The following CNTNAP4 variants were observed in gnomAD, a reference collection of about 807,000 sequenced individuals.
The protein encoded by CNTNAP4 is contactin associated protein family member 4.
In CNTNAP4, 98 loss-of-function variants were observed where a neutral mutation model predicts 148.4. The observed-to-expected ratio is 0.66, with a 90% CI of 0.56 to 0.78. The LOEUF is 0.78. Ranked by LOEUF, CNTNAP4 falls within the 30% of genes least tolerant of loss-of-function variation. The pLI is 0.00. For synonymous variants in CNTNAP4, 730 were observed against 565.1 expected (o/e 1.29, Z -4.14); for missense variants, 1,935 against 1,565.6 (o/e 1.24, Z -3.98).
At chr16:76,547,077 C>G (rs927875957) in intron 21 of CNTNAP4, among the ~76,000 whole-genome samples, 13 of 152,268 alleles carry the variant, frequency 8.5e-5, no homozygotes, top group African/African-American at 3.1e-4. Context: ...TGTCTAAGTA[C>G]TTTGTTCACA....
intron 7 of CNTNAP4, among the ~76,000 whole-genome samples, chr16:76,450,683 G>T (rs747978724): frequency 6.6e-6 from 1 of 152,212 alleles, no homozygotes; most frequent in African/African-American, 2.4e-5. Context: ...TACAGGTTGT[G>T]TTACAATATT....
chr16:76,396,526 G>T (rs533874588), intron 3 of CNTNAP4, among the ~76,000 whole-genome samples: 1 of 152,296 alleles, frequency 6.6e-6, no homozygotes, highest in East Asian at 1.9e-4. Context: ...CATTACTTTA[G>T]TTTTGATCTT....
At chr16:76,307,542 C>G (rs1278959830) in intron 1 of CNTNAP4, among the ~76,000 whole-genome samples, 1 of 47,242 alleles carries the variant, frequency 2.1e-5, no homozygotes, top group Admixed American at 2.4e-4. Flanking sequence ...ATATATATAC[C>G]AAACTCCAGA....
At chr16:76,340,778 A>T (rs763556139) in intron 2 of CNTNAP4, among the ~76,000 whole-genome samples, 2 of 152,128 alleles carry the variant, frequency 1.3e-5, no homozygotes, top group Non-Finnish European at 2.9e-5. Flanking sequence ...AGAACTCCTA[A>T]CTCTGATTAA....
chr16:76,531,147 G>C (rs1193719896), intron 17 of CNTNAP4, among the ~76,000 whole-genome samples: 1 of 152,176 alleles, frequency 6.6e-6, no homozygotes, highest in Non-Finnish European at 1.5e-5. Context: ...GCCCCTGGGT[G>C]AGTGGGTGAG....
intron 3 of CNTNAP4, among the ~76,000 whole-genome samples, chr16:76,359,303 G>C (rs1412109763): frequency 6.6e-6 from 1 of 152,170 alleles, no homozygotes; most frequent in Non-Finnish European, 1.5e-5. Flanking sequence ...CTACGAAAGA[G>C]AGTTAGGAAA....
chr16:76,298,578 C>T (rs1959582056), intron 1 of CNTNAP4, among the ~76,000 whole-genome samples: 1 of 148,812 alleles, frequency 6.7e-6, no homozygotes, highest in Non-Finnish European at 1.5e-5. Flanking sequence ...GTTCTAGGGT[C>T]CACCCAAGCG....
chr16:76,454,133 A>C (rs1429351798), intron 8 of CNTNAP4, among the ~76,000 whole-genome samples: 1 of 124,646 alleles, frequency 8.0e-6, no homozygotes, highest in African/African-American at 3.1e-5. Context: ...TTTTTTTCTG[A>C]GATGGAGTTT....
chr16:76,418,355 G>C (rs12923690), intron 3 of CNTNAP4, among the ~76,000 whole-genome samples: 1 of 104,668 alleles, frequency 9.6e-6, no homozygotes, highest in Non-Finnish European at 2.2e-5. Flanking sequence ...TTTTTTCTTT[G>C]TCTATTACAG....
intron 21 of CNTNAP4, 138 bp downstream of exon 21, chr16:76,540,928 TAATC>T (rs2084425884): frequency 3.4e-6 from 2 of 582,558 alleles, no homozygotes; most frequent in Admixed American, 5.0e-5. Context: ...AAGTGAGTGA[TAATC>T]AAGACAGAGG....
chr16:76,295,825 A>T (rs779598007), intron 1 of CNTNAP4, among the ~76,000 whole-genome samples: 34 of 152,046 alleles, frequency 2.2e-4, no homozygotes, highest in Non-Finnish European at 4.1e-4. Context: ...GAATTTATTT[A>T]TTTATTTTTT....
At chr16:76,352,285 G>T (rs1216596926) in intron 2 of CNTNAP4, among the ~76,000 whole-genome samples, 3 of 152,060 alleles carry the variant, frequency 2.0e-5, no homozygotes, top group Non-Finnish European at 4.4e-5. Flanking sequence ...AAATTAGATA[G>T]GACAGTGGAG....
At chr16:76,483,045 T>G (rs1314367193) in intron 12 of CNTNAP4, among the ~76,000 whole-genome samples, 2 of 122,958 alleles carry the variant, frequency 1.6e-5, no homozygotes, top group Admixed American at 8.4e-5. Flanking sequence ...TTATTATTTT[T>G]TTTCCAGCTT....
Position 76,499,715 on chromosome 16 carries a change from A to G in CNTNAP4, c.2365+1021A>G, listed in dbSNP as rs553238083. Among the ~76,000 whole-genome samples the G allele has an allele frequency of 1.4e-3, 211 of 150,122 alleles. 1 individual carries two copies. Among genetic ancestry groups the G allele is most frequent in the African/African-American group, 4.2e-3 (175 of 41,178 alleles). On this transcript the variant is annotated intron_variant, in intron 15 of 23. Coordinates refer to ENST00000611870, the MANE Select transcript of CNTNAP4 (RefSeq NM_033401.5). The stretch of plus-strand genomic sequence containing the variant: ...GGCAGAGGGCCCTGCTGCCTTCCGC[A>G]GTGTTTGTGTCCCTGGGTACTTGAG...
At chr16:76,478,275 A>G (rs2081664742) in intron 11 of CNTNAP4, among the ~76,000 whole-genome samples, 1 of 152,198 alleles carries the variant, frequency 6.6e-6, no homozygotes, top group Non-Finnish European at 1.5e-5. Context: ...GACTTTATGA[A>G]CATATGCATA....
intron 4 of CNTNAP4, among the ~76,000 whole-genome samples, chr16:76,428,214 G>A (rs992919575): frequency 1.3e-5 from 2 of 152,056 alleles, no homozygotes; most frequent in African/African-American, 2.4e-5. Flanking sequence ...TTTTTGTGAG[G>A]AAGGGACCTA....
At chr16:76,366,282 C>G (rs1311407016) in intron 3 of CNTNAP4, among the ~76,000 whole-genome samples, 2 of 152,008 alleles carry the variant, frequency 1.3e-5, no homozygotes, top group Non-Finnish European at 2.9e-5. Flanking sequence ...CTCTGTCTTC[C>G]CACCCTCCAT....
At chr16:76,445,439 G>T (rs946874186) in intron 4 of CNTNAP4, among the ~76,000 whole-genome samples, 1 of 152,014 alleles carries the variant, frequency 6.6e-6, no homozygotes, top group African/African-American at 2.4e-5. Context: ...AAACGTGATG[G>T]GTCAAATAAA....
intron 3 of CNTNAP4, among the ~76,000 whole-genome samples, chr16:76,395,984 C>T (rs1483897290): frequency 6.6e-6 from 1 of 152,106 alleles, no homozygotes; most frequent in Non-Finnish European, 1.5e-5. Context: ...TGGCCTCAGC[C>T]TCCCAAAATG....
Sources: allele counts gnomAD v4.1 joint callset (sites outside exome capture counted in the v4.1 genomes callset), GRCh38; gene constraint gnomAD v4.1.1; transcripts MANE v1.5; gene names NCBI Gene and HGNC (gene_info 2026-07-23, HGNC 2026-07-21).